The following PIWIL3 variants were observed in gnomAD, a reference collection of about 807,000 sequenced individuals.
PIWIL3 encodes the protein piwi-like protein 3.
A neutral mutation model predicts 109.7 loss-of-function variants in PIWIL3; 101 were observed. That is an observed-to-expected ratio of 0.92 (90% CI 0.78 to 1.09). PIWIL3 has a LOEUF of 1.09. Among genes scored for constraint, PIWIL3 ranks in the 50% least tolerant of loss-of-function variants. The pLI is 0.00. For missense variants in PIWIL3, 1,031 were observed against 1,072.6 expected, an observed-to-expected ratio of 0.96 and a Z score of 0.54; for synonymous variants, 373 against 376.4, an observed-to-expected ratio of 0.99 and a Z score of 0.10.
intron 19 of PIWIL3, 147 bp downstream of exon 19, chr22:24,722,983 C>G: frequency 1.1e-6 from 1 of 872,466 alleles, no homozygotes; most frequent in Non-Finnish European, 1.7e-6. Context: ...TGAGGAATCT[C>G]TGCCCAATAG....
chr22:24,728,275 T>G lies in PIWIL3; in HGVS notation c.1807A>C (p.Lys603Gln), dbSNP rs1478374371. Residue 603 changes from lysine to glutamine, a missense_variant, in exon 15 of 21, where the codon AAG (lysine) becomes CAG (glutamine). By Grantham distance (53) the Lys-to-Gln change is moderately conservative. Coordinates refer to ENST00000616349, the MANE Select transcript of PIWIL3 (RefSeq NM_001255975.1). ...CPIPSQCVVKKTLEKVQARTI... is the reference protein window; with the variant it reads ...CPIPSQCVVKQTLEKVQARTI... ...CTTGCCTGGACTTTTTCTAAGGTCT[T>G]TTTCACCACACACTGGCTTGGAATT... The G allele has an allele frequency of 9.3e-6, 15 of 1,614,222 alleles. No homozygotes were observed. Among genetic ancestry groups the G allele is most frequent in the Non-Finnish European group, 1.3e-5 (15 of 1,180,038 alleles).
At chr22:24,731,537 G>A (rs1923349074) in intron 14 of PIWIL3, among the ~76,000 whole-genome samples, 1 of 152,038 alleles carries the variant, frequency 6.6e-6, no homozygotes, top group African/African-American at 2.4e-5. Flanking sequence ...TGTAGTCCCA[G>A]CTACTTGGGA....
intron 1 of PIWIL3, among the ~76,000 whole-genome samples, chr22:24,771,828 G>A (rs780117899): frequency 6.6e-6 from 1 of 151,744 alleles, no homozygotes; most frequent in Non-Finnish European, 1.5e-5. Flanking sequence ...CCACCTCCCC[G>A]GTTCAAGCAA....
chr22:24,757,827 G>A, intron 4 of PIWIL3, 81 bp downstream of exon 4: 1 of 1,452,230 alleles, frequency 6.9e-7, no homozygotes, highest in South Asian at 1.4e-5. Context: ...GACAGAGCAG[G>A]ACCTTGTCTC....
At chr22:24,754,962 T>C (rs1289274918) in intron 6 of PIWIL3, 98 bp from the exon 7 acceptor site, 1 of 927,178 alleles carries the variant, frequency 1.1e-6, no homozygotes, top group East Asian at 2.5e-5. Flanking sequence ...AATGACTGTT[T>C]ATATTATCAA....
At chr22:24,771,749 T>TC (rs1402748100) in intron 1 of PIWIL3, among the ~76,000 whole-genome samples, 3 of 151,992 alleles carry the variant, frequency 2.0e-5, no homozygotes, top group Non-Finnish European at 4.4e-5. Context: ...TCTTTTTTTT[T>TC]TGGAGACAGA....
intron 15 of PIWIL3, 55 bp downstream of exon 15, chr22:24,728,122 G>A: frequency 6.2e-7 from 1 of 1,605,854 alleles, no homozygotes. Context: ...ACAATTAAGA[G>A]AATCTCAAGT....
intron 12 of PIWIL3, among the ~76,000 whole-genome samples, chr22:24,744,371 G>C (rs986828240): frequency 6.6e-6 from 1 of 151,882 alleles, no homozygotes; most frequent in Non-Finnish European, 1.5e-5. Context: ...AGGAGTTCGA[G>C]ACCAGCCTGA....
At chr22:24,730,879 C>T (rs1923309967) in intron 14 of PIWIL3, among the ~76,000 whole-genome samples, 1 of 151,944 alleles carries the variant, frequency 6.6e-6, no homozygotes, top group Admixed American at 6.6e-5. Flanking sequence ...TTCTTGTAGC[C>T]TTAATACTAG....
intron 1 of PIWIL3, among the ~76,000 whole-genome samples, chr22:24,768,742 A>G (rs752354067): frequency 6.6e-6 from 1 of 152,214 alleles, no homozygotes; most frequent in Non-Finnish European, 1.5e-5. Context: ...GAGGAGGCCC[A>G]AGGAGAGAGA....
chr22:24,758,240 T>C (rs1925211657), intron 3 of PIWIL3, among the ~76,000 whole-genome samples: 2 of 152,242 alleles, frequency 1.3e-5, no homozygotes, highest in South Asian at 4.1e-4. Context: ...CATCCGTGGT[T>C]GCCTTGGCAC....
chr22:24,739,843 G>T lies in PIWIL3; in HGVS notation c.1450-3951C>A, dbSNP rs559020187. ...AGGCGGGAGGATCATGAGGTCAGGAGATCGAGACCATCCTGGCTAACACAG... is the reference window on the plus strand; with the variant it reads ...AGGCGGGAGGATCATGAGGTCAGGATATCGAGACCATCCTGGCTAACACAG... On this transcript the variant is annotated intron_variant, in intron 12 of 20. Transcript: ENST00000616349. Among the ~76,000 whole-genome samples the T allele has an allele frequency of 3.9e-5, 6 of 152,214 alleles. No individual in the cohort carries two copies. In the East Asian group the frequency reaches 9.7e-4, roughly 25 times the overall value.
At position 24,733,782 on chromosome 22, in the gene PIWIL3, C is replaced by T. The variant is rs114736476; in HGVS notation, c.1707+302G>A. Among the ~76,000 whole-genome samples, 608 of 152,060 alleles carry T rather than the reference C, an allele frequency of 4.0e-3. 3 individuals are homozygous for T. The highest frequency in any genetic ancestry group is 0.014 in the African/African-American group (570 of 41,466). Reference sequence around the variant, plus strand: ...TCACAGACTTGGCAGGTTACACCTGCGGGTAAAAGTAATGAATGTGATTAT... The same window carrying T: ...TCACAGACTTGGCAGGTTACACCTGTGGGTAAAAGTAATGAATGTGATTAT... On this transcript the variant is annotated intron_variant, in intron 14 of 20. Coordinates refer to ENST00000616349, the MANE Select transcript of PIWIL3 (RefSeq NM_001255975.1).
At chr22:24,746,163 T>C (rs1479855771) in intron 12 of PIWIL3, among the ~76,000 whole-genome samples, 2 of 152,100 alleles carry the variant, frequency 1.3e-5, no homozygotes, top group Non-Finnish European at 2.9e-5. Context: ...ATATCTCCAA[T>C]GAACACTGAT....
At chr22:24,754,473 CAGTG>C (rs61394314) in intron 7 of PIWIL3, among the ~76,000 whole-genome samples, 7,329 of 152,136 alleles carry the variant, frequency 0.048, 268 homozygotes, top group South Asian at 0.12. Flanking sequence ...ACACATATAC[CAGTG>C]AGTAATATAT....
At position 24,749,327 on chromosome 22, in the gene PIWIL3, C is replaced by G. The variant is rs1003123445; in HGVS notation, c.1334+77G>C. 1.9e-6 allele frequency: 3 copies of G among 1,564,390 alleles called. No homozygotes were observed. In the African/African-American group the frequency reaches 4.1e-5, roughly 21 times the overall value. ...CTTGCTTGTAGAAGAATCTGACATG[C>G]CAGGGCTGAGATGCCATCAGCTTCA... On this transcript the variant is annotated intron_variant, in intron 11 of 20. Coordinates refer to ENST00000616349, the MANE Select transcript of PIWIL3 (RefSeq NM_001255975.1).
Position 24,756,487 on chromosome 22 carries a change from T to C in PIWIL3, c.570+4A>G, listed in dbSNP as rs762329408. ...CAGGAAAATGTGAAACAACATTACTTAACCCGCTCTTTTAGTGGCCGAGAT... is the reference window on the plus strand; with the variant it reads ...CAGGAAAATGTGAAACAACATTACTCAACCCGCTCTTTTAGTGGCCGAGAT... On this transcript the variant is annotated splice_donor_region_variant and intron_variant, in intron 5 of 20. Transcript: ENST00000616349. 6.2e-7 allele frequency: 1 copy of C among 1,610,148 alleles called. No individual in the cohort carries two copies. Among genetic ancestry groups the C allele is most frequent in the South Asian group, 1.1e-5 (1 of 90,942 alleles).
chr22:24,769,480 C>G (rs1355142348), intron 1 of PIWIL3, among the ~76,000 whole-genome samples: 1 of 152,000 alleles, frequency 6.6e-6, no homozygotes, highest in African/African-American at 2.4e-5. Context: ...GGTGTGGTGG[C>G]GGGCACCTGT....
intron 12 of PIWIL3, among the ~76,000 whole-genome samples, chr22:24,738,294 A>G (rs1182282273): frequency 6.6e-6 from 1 of 152,194 alleles, no homozygotes; most frequent in African/African-American, 2.4e-5. Context: ...CCTGACTGGC[A>G]TTTCTGTACC....
Sources: gnomAD v4.1 joint callset for allele counts (sites outside exome capture counted in the v4.1 genomes callset) on GRCh38, gnomAD v4.1.1 for gene constraint, MANE v1.5 for transcripts, NCBI Gene and HGNC (gene_info 2026-07-23, HGNC 2026-07-21) for gene names.